GRID1: variants seen among roughly 807,000 people sequenced by gnomAD.
GRID1 encodes the protein glutamate ionotropic receptor delta type subunit 1, also known as glutamate receptor ionotropic, delta-1.
A neutral mutation model predicts 98.0 loss-of-function variants in GRID1; 28 were observed. That is an observed-to-expected ratio of 0.29 (90% CI 0.21 to 0.39). The LOEUF is 0.39. Ranked by LOEUF, GRID1 falls within the 10% of genes least tolerant of loss-of-function variation. The pLI, the probability that GRID1 is intolerant of heterozygous loss-of-function variation, is 1.00. For synonymous variants in GRID1, 553 were observed against 538.5 expected, an observed-to-expected ratio of 1.03 and a Z score of -0.37; for missense variants, 1,111 against 1,340.5, an observed-to-expected ratio of 0.83 and a Z score of 2.67.
At chr10:85,967,472 G>GA (rs1460014027) in intron 4 of GRID1, among the ~76,000 whole-genome samples, 1 of 152,058 alleles carries the variant, frequency 6.6e-6, no homozygotes, top group Non-Finnish European at 1.5e-5. Flanking sequence ...AGAAAAATAG[G>GA]AAAAAATGCA....
At chr10:85,770,668 C>T (rs1008357974) in intron 8 of GRID1, among the ~76,000 whole-genome samples, 8 of 151,992 alleles carry the variant, frequency 5.3e-5, no homozygotes, top group East Asian at 3.9e-4. Flanking sequence ...TCGAGAACTA[C>T]GTGAAGAATG....
intron 8 of GRID1, among the ~76,000 whole-genome samples, chr10:85,829,248 G>C (rs1369974532): frequency 6.6e-6 from 1 of 151,770 alleles, no homozygotes; most frequent in Non-Finnish European, 1.5e-5. Context: ...TGATAAAATG[G>C]AACATTCCTT....
At chr10:86,004,727 T>TACACACACACACACAC (rs1406421884) in intron 4 of GRID1, among the ~76,000 whole-genome samples, 1 of 76,726 alleles carries the variant, frequency 1.3e-5, no homozygotes, top group African/African-American at 5.7e-5. Context: ...TCTCTCTTTC[T>TACACACACACACACAC]ACACACACAC....
At position 86,286,497 on chromosome 10, in the gene GRID1, C is replaced by T. The variant is rs147303038; in HGVS notation, c.235+77444G>A. Reference sequence around the variant, plus strand: ...CACCATGGGCTCCACGAATTCCCTGCGTCCTCCCACGAGTGAGGCCACGAG... The same window carrying T: ...CACCATGGGCTCCACGAATTCCCTGTGTCCTCCCACGAGTGAGGCCACGAG... On this transcript the variant is annotated intron_variant, in intron 2 of 15. Transcript: ENST00000327946. Among the ~76,000 whole-genome samples, 652 of 152,318 alleles carry T rather than the reference C, an allele frequency of 4.3e-3. 6 individuals are homozygous for T. The highest frequency in any genetic ancestry group is 0.015 in the African/African-American group (619 of 41,560).
chr10:85,775,774 A>AT (rs1335954983), intron 8 of GRID1, among the ~76,000 whole-genome samples: 1 of 152,168 alleles, frequency 6.6e-6, no homozygotes, highest in African/African-American at 2.4e-5. Context: ...ATTCCAATTT[A>AT]TTTGGTTTAA....
chr10:85,938,117 A>G (rs1841950397), intron 4 of GRID1, among the ~76,000 whole-genome samples: 1 of 152,208 alleles, frequency 6.6e-6, no homozygotes, highest in Non-Finnish European at 1.5e-5. Context: ...AGAGGTATGA[A>G]TGCCTCCTTT....
At chr10:86,279,646 T>C (rs947019084) in intron 2 of GRID1, among the ~76,000 whole-genome samples, 1 of 152,222 alleles carries the variant, frequency 6.6e-6, no homozygotes, top group African/African-American at 2.4e-5. Flanking sequence ...GCTAACATCA[T>C]ATTTAGTGTT....
chr10:85,852,715 T>G (rs539152448), intron 8 of GRID1, among the ~76,000 whole-genome samples: 1 of 152,294 alleles, frequency 6.6e-6, no homozygotes, highest in East Asian at 1.9e-4. Context: ...GGAGTCCCAA[T>G]GCAAGCCCAT....
intron 2 of GRID1, among the ~76,000 whole-genome samples, chr10:86,339,895 A>G (rs1472168852): frequency 1.3e-5 from 2 of 152,130 alleles, no homozygotes; most frequent in Admixed American, 6.5e-5. Flanking sequence ...AGCAACAACA[A>G]GGTTAACCCA....
At chr10:85,840,660 G>C (rs1842953183) in intron 8 of GRID1, among the ~76,000 whole-genome samples, 1 of 152,148 alleles carries the variant, frequency 6.6e-6, no homozygotes, top group Admixed American at 6.6e-5. Context: ...AAAAATCAAT[G>C]TGCAAAAATC....
chr10:85,800,767 T>G (rs527565466), intron 8 of GRID1, among the ~76,000 whole-genome samples: 74 of 152,198 alleles, frequency 4.9e-4, no homozygotes, highest in African/African-American at 1.7e-3. Context: ...ACGAGTGCTT[T>G]GCAGTTATTA....
intron 15 of GRID1, among the ~76,000 whole-genome samples, chr10:85,604,575 G>A (rs1217426581): frequency 6.6e-6 from 1 of 152,112 alleles, no homozygotes; most frequent in Non-Finnish European, 1.5e-5. Flanking sequence ...GAAATTGTGG[G>A]AACTGGCTGG....
intron 4 of GRID1, among the ~76,000 whole-genome samples, chr10:86,121,352 C>T (rs1371274449): frequency 1.3e-5 from 2 of 150,264 alleles, no homozygotes; most frequent in South Asian, 4.3e-4. Context: ...ACTACCACCA[C>T]CATCATCACC....
chr10:85,742,116 G>A (rs1160701096), intron 8 of GRID1, among the ~76,000 whole-genome samples: 1 of 152,190 alleles, frequency 6.6e-6, no homozygotes, highest in Non-Finnish European at 1.5e-5. Flanking sequence ...CGATAGGGAG[G>A]ATGTCTATTT....
chr10:86,359,251 G>C (rs1848571661), intron 2 of GRID1, among the ~76,000 whole-genome samples: 1 of 152,186 alleles, frequency 6.6e-6, no homozygotes, highest in African/African-American at 2.4e-5. Flanking sequence ...TGTCTGGTGA[G>C]GCTGCCAGGA....
intron 12 of GRID1, among the ~76,000 whole-genome samples, chr10:85,672,911 C>T (rs957531683): frequency 1.3e-5 from 2 of 152,204 alleles, no homozygotes; most frequent in Non-Finnish European, 2.9e-5. Flanking sequence ...AAGGCTGTAG[C>T]TGCCATAGAT....
At chr10:86,052,871 A>C (rs1329012387) in intron 4 of GRID1, among the ~76,000 whole-genome samples, 1 of 152,256 alleles carries the variant, frequency 6.6e-6, no homozygotes, top group Non-Finnish European at 1.5e-5. Flanking sequence ...AGATTTCATA[A>C]TTCAAAACAT....
chr10:86,292,288 A>G (rs2132075954), intron 2 of GRID1, among the ~76,000 whole-genome samples: 1 of 152,376 alleles, frequency 6.6e-6, no homozygotes, highest in Admixed American at 6.5e-5. Flanking sequence ...AGCTGCAGGA[A>G]GCTCTTCTTT....
intron 8 of GRID1, among the ~76,000 whole-genome samples, chr10:85,841,000 T>A (rs80316126): frequency 1.3e-5 from 2 of 152,162 alleles, no homozygotes; most frequent in African/African-American, 2.4e-5. Flanking sequence ...TTAAAATTCA[T>A]ATGGAACCAA....
Sources: allele counts gnomAD v4.1 joint callset (sites outside exome capture counted in the v4.1 genomes callset), GRCh38; gene constraint gnomAD v4.1.1; transcripts MANE v1.5; gene names NCBI Gene and HGNC (gene_info 2026-07-23, HGNC 2026-07-21).